ABTB2: variants seen among roughly 807,000 people sequenced by gnomAD.
ABTB2 encodes ankyrin repeat and BTB/POZ domain-containing protein 2.
A neutral mutation model predicts 104.1 loss-of-function variants in ABTB2; 56 were observed. That is an observed-to-expected ratio of 0.54 (90% CI 0.43 to 0.67). The LOEUF is 0.67. ABTB2 is among the 30% of genes least tolerant of loss of function. ABTB2 has a pLI of 0.00. For synonymous variants in ABTB2, 606 were observed against 608.2 expected (o/e 1.00, Z 0.05); for missense variants, 1,279 against 1,407.7 (o/e 0.91, Z 1.46).
At chr11:34,268,161 G>A (rs1854272513) in intron 1 of ABTB2, among the ~76,000 whole-genome samples, 1 of 152,120 alleles carries the variant, frequency 6.6e-6, no homozygotes, top group African/African-American at 2.4e-5. Context: ...TTGAACTCTT[G>A]GGCTCAAAGT....
At chr11:34,160,157 A>C in intron 12 of ABTB2, 91 bp downstream of exon 12, 3 of 1,360,342 alleles carry the variant, frequency 2.2e-6, no homozygotes, top group Non-Finnish European at 3.1e-6. Flanking sequence ...GGCGCTTGGA[A>C]ATGGAGAAAG....
chr11:34,341,857 AAG>A (rs1305288158), intron 1 of ABTB2, among the ~76,000 whole-genome samples: 1 of 152,200 alleles, frequency 6.6e-6, no homozygotes, highest in Non-Finnish European at 1.5e-5. Context: ...TTTCAGCTGG[AAG>A]AGAGAAATGG....
chr11:34,256,027 C>G (rs1018410351), intron 1 of ABTB2, among the ~76,000 whole-genome samples: 4 of 152,226 alleles, frequency 2.6e-5, no homozygotes, highest in Admixed American at 6.5e-5. Flanking sequence ...GGTGCAGAAC[C>G]CACTAGGTGG....
chr11:34,253,645 C>T (rs1302248228), intron 1 of ABTB2, among the ~76,000 whole-genome samples: 1 of 150,414 alleles, frequency 6.6e-6, no homozygotes, highest in Non-Finnish European at 1.5e-5. Flanking sequence ...CACTGCACTC[C>T]AGTCTGCGCA....
At chr11:34,293,882 G>A (rs1854591440) in intron 1 of ABTB2, among the ~76,000 whole-genome samples, 1 of 151,922 alleles carries the variant, frequency 6.6e-6, no homozygotes, top group African/African-American at 2.4e-5. Context: ...ATGCCACCAT[G>A]CCTGGCTAAT....
chr11:34,273,209 G>T (rs1854340903), intron 1 of ABTB2, among the ~76,000 whole-genome samples: 1 of 152,158 alleles, frequency 6.6e-6, no homozygotes, highest in Non-Finnish European at 1.5e-5. Context: ...CCGCCACAGG[G>T]CTCAGGCCTT....
chr11:34,313,199 G>C (rs1174757774), intron 1 of ABTB2, among the ~76,000 whole-genome samples: 1 of 152,174 alleles, frequency 6.6e-6, no homozygotes, highest in Non-Finnish European at 1.5e-5. Context: ...CCTGGAATTA[G>C]GTCAGCAGCT....
At position 34,177,933 on chromosome 11, in the gene ABTB2, G is replaced by T. The variant is rs551536343; in HGVS notation, c.1245-4626C>A. Among the ~76,000 whole-genome samples, 15 of 152,234 alleles carry T rather than the reference G, an allele frequency of 9.9e-5. No individual in the cohort carries two copies. In the East Asian group the frequency reaches 2.9e-3, roughly 29 times the overall value. ...TCCAGAGGTGTTGTTCAAACTCACA[G>T]TTCCAGGCGCTGTCTCAGGGAGCAG... On this transcript the variant is annotated intron_variant, in intron 3 of 16. Coordinates refer to ENST00000435224, the MANE Select transcript of ABTB2 (RefSeq NM_145804.3).
chr11:34,346,270 T>G (rs920287583), intron 1 of ABTB2, among the ~76,000 whole-genome samples: 1 of 145,172 alleles, frequency 6.9e-6, no homozygotes, highest in African/African-American at 2.8e-5. Context: ...TGTAGCATAT[T>G]TAATTTTTTT....
chr11:34,227,633 C>A (rs1191858104), intron 1 of ABTB2, among the ~76,000 whole-genome samples: 4 of 152,178 alleles, frequency 2.6e-5, no homozygotes, highest in African/African-American at 9.7e-5. Flanking sequence ...AACAATGCTG[C>A]TAGTCATGTA....
intron 1 of ABTB2, among the ~76,000 whole-genome samples, chr11:34,307,843 C>T (rs910249223): frequency 6.6e-6 from 1 of 152,186 alleles, no homozygotes; most frequent in Non-Finnish European, 1.5e-5. Flanking sequence ...GGATCACAGG[C>T]ACGCGCCACC....
At chr11:34,206,913 C>T (rs931551839) in intron 1 of ABTB2, among the ~76,000 whole-genome samples, 1 of 152,198 alleles carries the variant, frequency 6.6e-6, no homozygotes, top group East Asian at 1.9e-4. Flanking sequence ...TCATCACATC[C>T]AGTGCTGACT....
intron 1 of ABTB2, among the ~76,000 whole-genome samples, chr11:34,352,451 C>A (rs1466772852): frequency 6.6e-6 from 1 of 152,154 alleles, no homozygotes; most frequent in African/African-American, 2.4e-5. Context: ...AAAATCCTTG[C>A]TTATTTACTT....
rs1052239521 is a variant in ABTB2, at chr11:34,256,799, C to T, written c.884-52109G>A. On this transcript the variant is annotated intron_variant, in intron 1 of 16. Transcript: ENST00000435224. ...TCACGCTCTTTCACTCCGGAGGGGA[C>T]GGACGGAGAGCCACAGGCTAACCAA... Among the ~76,000 whole-genome samples the T allele has an allele frequency of 2.6e-5, 4 of 152,170 alleles. No homozygotes were observed. The East Asian group carries it at 5.8e-4, about 22-fold the overall frequency.
intron 1 of ABTB2, among the ~76,000 whole-genome samples, chr11:34,311,162 G>A (rs1275280346): frequency 1.3e-5 from 2 of 152,168 alleles, no homozygotes; most frequent in Admixed American, 6.5e-5. Context: ...CGTTCCAGGG[G>A]ACCCTGACAG....
chr11:34,281,735 C>T (rs181596123), intron 1 of ABTB2, among the ~76,000 whole-genome samples: 6 of 152,310 alleles, frequency 3.9e-5, no homozygotes, highest in Middle Eastern at 3.4e-3. Context: ...GAAGCTACAT[C>T]GCAGGATGGA....
chr11:34,352,266 A>G (rs1224553348), intron 1 of ABTB2, among the ~76,000 whole-genome samples: 3 of 152,230 alleles, frequency 2.0e-5, no homozygotes, highest in Non-Finnish European at 2.9e-5. Flanking sequence ...CATTCAGAAA[A>G]GTCCTCAGTC....
At chr11:34,308,882 A>AAAAAAAAAAAAAAG (rs1252511057) in intron 1 of ABTB2, among the ~76,000 whole-genome samples, 4 of 150,826 alleles carry the variant, frequency 2.7e-5, no homozygotes, top group African/African-American at 9.8e-5. Context: ...AAAAAAAAAA[A>AAAAAAAAAAAAAAG]AAAAAGAAAA....
At chr11:34,269,748 G>T (rs1334090151) in intron 1 of ABTB2, among the ~76,000 whole-genome samples, 4 of 152,212 alleles carry the variant, frequency 2.6e-5, no homozygotes, top group Non-Finnish European at 4.4e-5. Context: ...CAGTGGATGG[G>T]ATTTGGCCCA....
Sources: gnomAD v4.1 joint callset for allele counts (sites outside exome capture counted in the v4.1 genomes callset) on GRCh38, gnomAD v4.1.1 for gene constraint, MANE v1.5 for transcripts, NCBI Gene and HGNC (gene_info 2026-07-23, HGNC 2026-07-21) for gene names.